Variants in DNER observed in about 807,000 individuals in gnomAD.
DNER encodes delta/notch like EGF repeat containing.
A neutral mutation model predicts 78.2 loss-of-function variants in DNER; 33 were observed. The observed-to-expected ratio is 0.42, with a 90% CI of 0.32 to 0.56. The LOEUF (loss-of-function observed/expected upper bound fraction) is 0.56, where lower values mean the gene tolerates loss of function less well. Among genes scored for constraint, DNER ranks in the 20% least tolerant of loss-of-function variants. DNER has a pLI of 0.11. For missense variants in DNER, 918 were observed against 975.3 expected (o/e 0.94, Z 0.78); for synonymous variants, 417 against 384.8 (o/e 1.08, Z -0.98).
chr2:229,607,311 T>C (rs563406411), intron 1 of DNER, among the ~76,000 whole-genome samples: 72 of 152,360 alleles, frequency 4.7e-4, no homozygotes, highest in Admixed American at 1.2e-3. Flanking sequence ...ATGCTATATC[T>C]GGCATGGTTC....
chr2:229,670,738 A>T (rs1699192441), intron 1 of DNER, among the ~76,000 whole-genome samples: 1 of 152,228 alleles, frequency 6.6e-6, no homozygotes, highest in Non-Finnish European at 1.5e-5. Flanking sequence ...GAAATGTTGT[A>T]TCCCACTCCG....
intron 1 of DNER, among the ~76,000 whole-genome samples, chr2:229,656,605 T>A (rs1409136965): frequency 1.3e-5 from 2 of 152,136 alleles, no homozygotes; most frequent in East Asian, 1.9e-4. Flanking sequence ...TCTCGGTACA[T>A]TTCTTGTCAA....
chr2:229,606,724 C>A (rs917181507), intron 1 of DNER, among the ~76,000 whole-genome samples: 3 of 152,076 alleles, frequency 2.0e-5, no homozygotes, highest in African/African-American at 7.2e-5. Flanking sequence ...GAAACCCTGT[C>A]TCGATTAAAA....
rs771782067 is a variant in DNER, at chr2:229,591,572, G to T, written c.585+8C>A. 6.2e-7 allele frequency: 1 copy of T among 1,611,926 alleles called. No homozygotes were observed. Among genetic ancestry groups the T allele is most frequent in the Non-Finnish European group, 8.5e-7 (1 of 1,178,746 alleles). On this transcript the variant is annotated splice_region_variant and intron_variant, in intron 2 of 12. Transcript: ENST00000341772. This position sits in a 1 kb window ranked among gnomAD's most constrained non-coding sequence, Gnocchi z 4.6. Reference sequence around the variant, plus strand: ...AATGTAAAAATGCACATGATATAACGTTCTCACCTCCACTTGATCCCATTT... The same window carrying T: ...AATGTAAAAATGCACATGATATAACTTTCTCACCTCCACTTGATCCCATTT...
intron 1 of DNER, among the ~76,000 whole-genome samples, chr2:229,613,326 G>T (rs570180807): frequency 1.2e-4 from 19 of 152,284 alleles, no homozygotes; most frequent in African/African-American, 3.8e-4. Flanking sequence ...AAGCATTCAA[G>T]CATGTGGCTG....
At chr2:229,469,259 C>T (rs1694870907) in intron 7 of DNER, among the ~76,000 whole-genome samples, 1 of 152,138 alleles carries the variant, frequency 6.6e-6, no homozygotes, top group African/African-American at 2.4e-5. Flanking sequence ...TGAAGTAAAA[C>T]TGGATCAGGG....
rs1165744141 is a variant in DNER at position 229,358,618 on chromosome 2, A to G, written c.2136T>C (p.Asp712=). The G allele has an allele frequency of 5.6e-6, 9 of 1,614,036 alleles. No individual in the cohort carries two copies. Among genetic ancestry groups the G allele is most frequent in the Non-Finnish European group, 6.8e-6 (8 of 1,179,948 alleles). ...FGKKSRPAMY[D]VSPIAYEDYS... is the part of the protein sequence containing the mutation. ...AATCTTCATAGGCGATGGGGCTCAC[A>G]TCATACATTGCAGGCCGGGATTTCT... Residue 712 remains aspartate (D), a synonymous_variant, in exon 13 of 13, where the codon GAT becomes GAC. Transcript: ENST00000341772.
chr2:229,553,283 C>T (rs1485771867), intron 4 of DNER, among the ~76,000 whole-genome samples: 1 of 152,130 alleles, frequency 6.6e-6, no homozygotes, highest in African/African-American at 2.4e-5. Flanking sequence ...CAATTGATCT[C>T]TGGGTTGTAC....
chr2:229,512,934 T>G lies in DNER; in HGVS notation c.996A>C (p.Ala332=). ...GCTCCTCACAGGTACAGGAAAAAGT[T>G]GCCTAAAACACAAAAAAAGCACAGT... The part of the protein sequence containing the change: ...KGKCTTKPSE[A]TFSCTCEEQY... Residue 332 remains alanine, a splice_region_variant and synonymous_variant, in exon 6 of 13, where the codon GCA becomes GCC. Transcript: ENST00000341772. 6.2e-7 allele frequency: 1 copy of G among 1,613,652 alleles called. No homozygotes were observed. The highest frequency in any genetic ancestry group is 8.5e-7 in the Non-Finnish European group (1 of 1,179,866).
At chr2:229,380,792 C>G (rs1307108856) in intron 11 of DNER, among the ~76,000 whole-genome samples, 1 of 151,606 alleles carries the variant, frequency 6.6e-6, no homozygotes, top group Non-Finnish European at 1.5e-5. Flanking sequence ...AGGAGTGGTG[C>G]CACACACCTG....
chr2:229,533,528 T>G (rs1226714217), intron 5 of DNER, among the ~76,000 whole-genome samples: 1 of 152,120 alleles, frequency 6.6e-6, no homozygotes, highest in Non-Finnish European at 1.5e-5. Context: ...AAATTAAAAT[T>G]TGATGAATGA....
chr2:229,443,921 C>T (rs1694286404), intron 8 of DNER, among the ~76,000 whole-genome samples: 1 of 152,164 alleles, frequency 6.6e-6, no homozygotes, highest in Non-Finnish European at 1.5e-5. Context: ...TTATTTTACA[C>T]AGTCACCTAA....
At chr2:229,680,735 C>T (rs1229225478) in intron 1 of DNER, among the ~76,000 whole-genome samples, 3 of 152,210 alleles carry the variant, frequency 2.0e-5, no homozygotes, top group Admixed American at 6.5e-5. Context: ...ATTGCCTTTT[C>T]ATACAGGTTA....
At chr2:229,588,269 C>T (rs1697536329) in intron 3 of DNER, 125 bp downstream of exon 3, 7 of 787,652 alleles carry the variant, frequency 8.9e-6, no homozygotes, top group South Asian at 1.7e-5. Flanking sequence ...GCCACATCTA[C>T]CCGTGGAATC....
intron 10 of DNER, among the ~76,000 whole-genome samples, chr2:229,398,109 T>C (rs1329667739): frequency 1.3e-5 from 2 of 151,896 alleles, no homozygotes; most frequent in African/African-American, 4.8e-5. Context: ...ATTAACAAAA[T>C]TGACAAAACT....
chr2:229,620,283 A>G (rs530321831), intron 1 of DNER, among the ~76,000 whole-genome samples: 1 of 152,386 alleles, frequency 6.6e-6, no homozygotes, highest in African/African-American at 2.4e-5. Flanking sequence ...AACTGTCAAC[A>G]GAAAGGGCTG....
chr2:229,641,027 A>C (rs1488360039), intron 1 of DNER, among the ~76,000 whole-genome samples: 1 of 152,180 alleles, frequency 6.6e-6, no homozygotes, highest in African/African-American at 2.4e-5. Flanking sequence ...GGAAGGGGCT[A>C]GGTGGGAGAA....
intron 1 of DNER, among the ~76,000 whole-genome samples, chr2:229,598,271 G>A (rs1054810919): frequency 6.6e-6 from 1 of 152,228 alleles, no homozygotes; most frequent in African/African-American, 2.4e-5. Context: ...CTTCAGCCCT[G>A]CCTCTTCTGT....
intron 8 of DNER, among the ~76,000 whole-genome samples, chr2:229,434,153 C>T (rs1337958690): frequency 6.6e-6 from 1 of 152,170 alleles, no homozygotes. Flanking sequence ...TTTTGGTACA[C>T]GGAGTCCACA....
Sources: gnomAD v4.1 joint callset for allele counts (sites outside exome capture counted in the v4.1 genomes callset) on GRCh38, gnomAD v4.1.1 for gene constraint, Gnocchi (gnomAD v3.1) non-coding constraint, MANE v1.5 for transcripts, NCBI Gene and HGNC (gene_info 2026-07-23, HGNC 2026-07-21) for gene names.